Variants in SLX4IP observed in about 807,000 individuals in gnomAD.
SLX4IP encodes the protein protein SLX4IP.
SLX4IP carries 34 observed loss-of-function variants against 32.9 expected under a neutral mutation model. The observed-to-expected ratio is 1.03, with a 90% CI of 0.79 to 1.38. The LOEUF is 1.38. Among genes scored for constraint, SLX4IP ranks in the 40% most tolerant of loss-of-function variants. The pLI is 0.00. For synonymous variants in SLX4IP, 172 were observed against 171.7 expected, an observed-to-expected ratio of 1.00 and a Z score of -0.01; for missense variants, 444 against 479.0, an observed-to-expected ratio of 0.93 and a Z score of 0.68.
intron 1 of SLX4IP, among the ~76,000 whole-genome samples, chr20:10,440,230 G>A (rs1356179647): frequency 6.6e-6 from 1 of 151,692 alleles, no homozygotes; most frequent in African/African-American, 2.4e-5. Context: ...CGAGGCTGGC[G>A]GATCACTTGA....
intron 7 of SLX4IP, 93 bp downstream of exon 7, chr20:10,621,507 C>A: frequency 8.9e-7 from 1 of 1,129,822 alleles, no homozygotes; most frequent in Non-Finnish European, 1.3e-6. Context: ...GTGCCTGGAA[C>A]TGAAGCACAA....
chr20:10,452,389 G>A (rs961170730), intron 1 of SLX4IP, among the ~76,000 whole-genome samples: 1 of 152,028 alleles, frequency 6.6e-6, no homozygotes, highest in Non-Finnish European at 1.5e-5. Flanking sequence ...AAATAGGCTG[G>A]GCGCAGTGGC....
chr20:10,520,068 T>G (rs1340871948), intron 2 of SLX4IP, among the ~76,000 whole-genome samples: 1 of 152,188 alleles, frequency 6.6e-6, no homozygotes, highest in Non-Finnish European at 1.5e-5. Flanking sequence ...TTTTTTTTAT[T>G]TTTGAGATAG....
rs2067190075 is a variant in SLX4IP at position 10,627,785 on chromosome 20, C to G, written c.*4406C>G. 1 of 151,998 alleles carries G rather than the reference C, an allele frequency of 6.6e-6. No homozygotes were observed. The highest frequency in any genetic ancestry group is 2.4e-5 in the African/African-American group (1 of 41,362). 9.4% of individuals were successfully genotyped at this position (151,998 alleles called of 1,614,324 possible). On this transcript the variant is annotated 3_prime_UTR_variant, in exon 8 of 8. Coordinates refer to ENST00000334534, the MANE Select transcript of SLX4IP (RefSeq NM_001009608.3). ...AAATCAATAAAACCTTATGTTTGAC[C>G]CTAAAGTATTTGATCAGGGAACAGA...
At chr20:10,486,858 T>C (rs935989162) in intron 2 of SLX4IP, among the ~76,000 whole-genome samples, 2 of 152,206 alleles carry the variant, frequency 1.3e-5, no homozygotes, top group African/African-American at 4.8e-5. Flanking sequence ...TTTGAAAGGA[T>C]TCTAGCCTGA....
At chr20:10,461,135 C>G (rs2065334343) in intron 2 of SLX4IP, among the ~76,000 whole-genome samples, 1 of 152,096 alleles carries the variant, frequency 6.6e-6, no homozygotes, top group Admixed American at 6.5e-5. Context: ...TTAATTTTTC[C>G]AAGACTGAGC....
chr20:10,572,393 T>G (rs569404172), intron 4 of SLX4IP, among the ~76,000 whole-genome samples: 1 of 152,310 alleles, frequency 6.6e-6, no homozygotes, highest in African/African-American at 2.4e-5. Flanking sequence ...CTAGGAGCAG[T>G]ATTCTGCTTG....
At chr20:10,617,752 G>C (rs1318189004) in intron 6 of SLX4IP, among the ~76,000 whole-genome samples, 3 of 145,266 alleles carry the variant, frequency 2.1e-5, no homozygotes, top group African/African-American at 7.6e-5. Flanking sequence ...GGGCTCAAGT[G>C]ATCCTCCCAC....
chr20:10,560,916 A>T (rs946815292), intron 4 of SLX4IP, 96 bp downstream of exon 4: 2 of 1,176,948 alleles, frequency 1.7e-6, no homozygotes, highest in African/African-American at 3.2e-5. Context: ...TCATGTTAGT[A>T]TAGTGATACA....
At chr20:10,570,897 G>A (rs917550957) in intron 4 of SLX4IP, among the ~76,000 whole-genome samples, 4 of 152,020 alleles carry the variant, frequency 2.6e-5, no homozygotes, top group Admixed American at 2.0e-4. Flanking sequence ...TGGAACAGTC[G>A]TGGCTCATGG....
intron 2 of SLX4IP, among the ~76,000 whole-genome samples, chr20:10,465,814 T>C (rs1295569751): frequency 6.6e-6 from 1 of 152,236 alleles, no homozygotes; most frequent in Non-Finnish European, 1.5e-5. Context: ...CCTACAAATA[T>C]ATCTTTTACA....
intron 2 of SLX4IP, among the ~76,000 whole-genome samples, chr20:10,522,249 T>A (rs973321023): frequency 1.3e-5 from 2 of 152,030 alleles, no homozygotes; most frequent in Non-Finnish European, 2.9e-5. Context: ...TAGTTTTCTC[T>A]TAATGTTGCC....
chr20:10,540,096 T>TTCCTTCCCTTCCTTCCTTCCTTCCTTCC (rs1380282080), intron 2 of SLX4IP, among the ~76,000 whole-genome samples: 3 of 111,750 alleles, frequency 2.7e-5, no homozygotes, highest in Admixed American at 1.0e-4. Context: ...CCTTCCTTCC[T>TTCCTTCCCTTCCTTCCTTCCTTCCTTCC]TTCCTTCCTT....
intron 2 of SLX4IP, among the ~76,000 whole-genome samples, chr20:10,537,219 GA>G (rs1255970874): frequency 6.6e-6 from 1 of 152,174 alleles, no homozygotes; most frequent in African/African-American, 2.4e-5. Context: ...ACTGTGTTGG[GA>G]GGGGGCAATG....
At chr20:10,585,426 C>T (rs2066634672) in intron 4 of SLX4IP, among the ~76,000 whole-genome samples, 2 of 152,202 alleles carry the variant, frequency 1.3e-5, no homozygotes, top group South Asian at 2.1e-4. Flanking sequence ...TTTGATCTCT[C>T]ACTTGACATG....
intron 1 of SLX4IP, among the ~76,000 whole-genome samples, chr20:10,453,841 T>C (rs1167632190): frequency 6.6e-6 from 1 of 152,144 alleles, no homozygotes; most frequent in Non-Finnish European, 1.5e-5. Flanking sequence ...ACCTCCTATA[T>C]TGGTCTTTTA....
chr20:10,445,578 G>T (rs1438829349), intron 1 of SLX4IP, among the ~76,000 whole-genome samples: 3 of 149,594 alleles, frequency 2.0e-5, no homozygotes, highest in Non-Finnish European at 4.4e-5. Context: ...GCCTCCCAAA[G>T]TGCTGGGATT....
At chr20:10,571,418 C>T (rs1473099698) in intron 4 of SLX4IP, among the ~76,000 whole-genome samples, 1 of 152,156 alleles carries the variant, frequency 6.6e-6, no homozygotes, top group Non-Finnish European at 1.5e-5. Context: ...TTGTCACTCT[C>T]CCCTAACTCC....
At chr20:10,453,648 A>G (rs2065261550) in intron 1 of SLX4IP, among the ~76,000 whole-genome samples, 1 of 152,092 alleles carries the variant, frequency 6.6e-6, no homozygotes, top group Non-Finnish European at 1.5e-5. Flanking sequence ...AATTTTGAAG[A>G]TATTTCTCCA....
Sources: allele counts gnomAD v4.1 joint callset (sites outside exome capture counted in the v4.1 genomes callset), GRCh38; gene constraint gnomAD v4.1.1; transcripts MANE v1.5; gene names NCBI Gene and HGNC (gene_info 2026-07-23, HGNC 2026-07-21).